The following DISC1 variants were observed in gnomAD, a reference collection of about 807,000 sequenced individuals.
DISC1 encodes DISC1 scaffold protein, also known as disrupted in schizophrenia 1 protein.
Under a neutral mutation model 84.5 loss-of-function variants are expected in DISC1, and 57 were observed. The observed-to-expected ratio is 0.67, with a 90% confidence interval of 0.55 to 0.84. The LOEUF is 0.84. Ranked by LOEUF, DISC1 falls within the 40% of genes least tolerant of loss-of-function variation. DISC1 has a pLI of 0.00. For synonymous variants in DISC1, 411 were observed against 415.2 expected (o/e 0.99, Z 0.12); for missense variants, 1,000 against 1,057.8 (o/e 0.95, Z 0.76).
intron 1 of DISC1, among the ~76,000 whole-genome samples, chr1:231,663,380 C>T (rs2061721264): frequency 6.6e-6 from 1 of 152,126 alleles, no homozygotes; most frequent in Non-Finnish European, 1.5e-5. Flanking sequence ...CTGAATAATG[C>T]AGTATGTGGG....
intron 6 of DISC1, among the ~76,000 whole-genome samples, chr1:231,783,915 CTTATGAT>C (rs2077625294): frequency 6.6e-6 from 1 of 152,250 alleles, no homozygotes; most frequent in South Asian, 2.1e-4. Flanking sequence ...TCCATTATCC[CTTATGAT>C]ATGAGTTACA....
At chr1:232,016,850 A>G (rs1668531466) in intron 11 of DISC1, among the ~76,000 whole-genome samples, 1 of 152,210 alleles carries the variant, frequency 6.6e-6, no homozygotes. Flanking sequence ...TTTAAAAGAA[A>G]TACGCAGTTA....
At chr1:231,678,200 T>G (rs2063341029) in intron 1 of DISC1, among the ~76,000 whole-genome samples, 2 of 152,134 alleles carry the variant, frequency 1.3e-5, no homozygotes, top group Admixed American at 1.3e-4. Context: ...AATACATACA[T>G]TGGTCTCGTC....
intron 9 of DISC1, among the ~76,000 whole-genome samples, chr1:231,839,729 TGAAATATAGTG>T (rs1229386034): frequency 6.6e-6 from 1 of 152,192 alleles, no homozygotes; most frequent in East Asian, 1.9e-4. Context: ...AGGCTGTACA[TGAAATATAGTG>T]CTGCCATCTG....
At chr1:231,666,565 C>G (rs2062040885) in intron 1 of DISC1, among the ~76,000 whole-genome samples, 1 of 152,084 alleles carries the variant, frequency 6.6e-6, no homozygotes, top group Non-Finnish European at 1.5e-5. Context: ...TATCTTTTAA[C>G]AAATAATGGT....
In DISC1 at chr1:231,800,159, A is replaced by G. The variant is rs773370574; in HGVS notation, c.1741A>G (p.Ile581Val). ...CACCCTGAGGAAGAAAGTTAACGAT[A>G]TTGAAACCCAACTACCAGCCTTGCT... is the stretch of plus-strand genomic sequence containing the variant. ...CSTLRKKVND[I>V]ETQLPALLEA... The change falls in exon 8 of 13, where the codon ATT (isoleucine) becomes GTT (valine). Residue 581 changes from isoleucine (I) to valine (V), a missense_variant. Coordinates refer to ENST00000439617, the MANE Select transcript of DISC1 (RefSeq NM_018662.3). 1 of 1,611,952 alleles carries G rather than the reference A, an allele frequency of 6.2e-7. No homozygotes were observed. Among genetic ancestry groups the G allele is most frequent in the South Asian group, 1.1e-5 (1 of 91,052 alleles).
chr1:231,723,036 G>A, intron 3 of DISC1: 2 of 1,100,526 alleles, frequency 1.8e-6, no homozygotes, highest in Non-Finnish European at 2.2e-6. Flanking sequence ...CCCCTTGGTG[G>A]CAATATGTAC....
chr1:232,015,358 C>T (rs1381500013), intron 11 of DISC1, among the ~76,000 whole-genome samples: 1 of 152,010 alleles, frequency 6.6e-6, no homozygotes, highest in Non-Finnish European at 1.5e-5. Flanking sequence ...TGACGCCGTT[C>T]ACCTTGGAAA....
At chr1:232,024,115 C>T (rs1669224273) in intron 11 of DISC1, among the ~76,000 whole-genome samples, 1 of 151,186 alleles carries the variant, frequency 6.6e-6, no homozygotes. Context: ...GTCTTCTCAC[C>T]ACTGTTATGG....
At chr1:231,686,664 C>T (rs1435883375) in intron 1 of DISC1, among the ~76,000 whole-genome samples, 1 of 152,220 alleles carries the variant, frequency 6.6e-6, no homozygotes, top group Admixed American at 6.5e-5. Flanking sequence ...TCCCCATTGT[C>T]CTGGGGCTTA....
At chr1:231,965,924 A>G (rs995091621) in intron 10 of DISC1, among the ~76,000 whole-genome samples, 2 of 152,190 alleles carry the variant, frequency 1.3e-5, no homozygotes, top group African/African-American at 4.8e-5. Flanking sequence ...CAGTCTGTCT[A>G]ATTCTATTAG....
At chr1:231,801,589 C>A (rs1365040508) in intron 8 of DISC1, among the ~76,000 whole-genome samples, 1 of 152,142 alleles carries the variant, frequency 6.6e-6, no homozygotes, top group Non-Finnish European at 1.5e-5. Flanking sequence ...TGGTAACTGA[C>A]CTTTTGACCT....
chr1:231,693,709 T>C (rs2065312368), intron 1 of DISC1, 117 bp from the exon 2 acceptor site: 2 of 1,511,682 alleles, frequency 1.3e-6, no homozygotes, highest in Non-Finnish European at 9.0e-7. Context: ...CCAGCATCTA[T>C]CTTTGACAGG....
chr1:231,815,668 G>A (rs2080873882), intron 8 of DISC1, among the ~76,000 whole-genome samples: 1 of 151,382 alleles, frequency 6.6e-6, no homozygotes. Flanking sequence ...AAACTGGAAG[G>A]TGGAGGTTGC....
chr1:231,734,892 C>T (rs896323200), intron 3 of DISC1, among the ~76,000 whole-genome samples: 1 of 152,192 alleles, frequency 6.6e-6, no homozygotes, highest in Non-Finnish European at 1.5e-5. Flanking sequence ...TTCTAAAAAT[C>T]CTCTTTGGTG....
chr1:231,656,308 T>G (rs2061061450), intron 1 of DISC1, among the ~76,000 whole-genome samples: 1 of 152,180 alleles, frequency 6.6e-6, no homozygotes, highest in Admixed American at 6.5e-5. Context: ...CATGTTGCTA[T>G]TTAGTTTTCC....
intron 10 of DISC1, among the ~76,000 whole-genome samples, chr1:231,996,598 C>T (rs1157817122): frequency 6.6e-6 from 1 of 152,088 alleles, no homozygotes; most frequent in Non-Finnish European, 1.5e-5. Flanking sequence ...GCATCTGTGT[C>T]AGAACTCAGT....
At chr1:231,841,359 C>T (rs1462361496) in intron 9 of DISC1, among the ~76,000 whole-genome samples, 1 of 152,228 alleles carries the variant, frequency 6.6e-6, no homozygotes, top group Non-Finnish European at 1.5e-5. Context: ...AAGCCTGGCA[C>T]AAGCCAGGTG....
intron 1 of DISC1, among the ~76,000 whole-genome samples, chr1:231,661,726 C>T (rs535182332): frequency 1.3e-5 from 2 of 152,174 alleles, no homozygotes; most frequent in African/African-American, 2.4e-5. Context: ...TATTACCCAC[C>T]TTCTGAAGTC....
Sources: allele counts gnomAD v4.1 joint callset (sites outside exome capture counted in the v4.1 genomes callset), GRCh38; gene constraint gnomAD v4.1.1; transcripts MANE v1.5; gene names NCBI Gene and HGNC (gene_info 2026-07-23, HGNC 2026-07-21).